EYA4: variants seen among roughly 807,000 people sequenced by gnomAD.
EYA4 encodes protein phosphatase EYA4.
In EYA4, 31 loss-of-function variants were observed where a neutral mutation model predicts 87.9. That is an observed-to-expected ratio of 0.35 (90% confidence interval 0.27 to 0.48). EYA4 has a LOEUF of 0.48. Among genes scored for constraint, EYA4 ranks in the 20% least tolerant of loss-of-function variants. EYA4 has a pLI of 0.99. For synonymous variants in EYA4, 263 were observed against 270.6 expected, an observed-to-expected ratio of 0.97 and a Z score of 0.28; for missense variants, 678 against 761.4, an observed-to-expected ratio of 0.89 and a Z score of 1.29.
chr6:133,494,889 G>A (rs1240119909), intron 13 of EYA4, among the ~76,000 whole-genome samples: 2 of 151,964 alleles, frequency 1.3e-5, no homozygotes, highest in Non-Finnish European at 2.9e-5. Flanking sequence ...TGGATTGTCT[G>A]TAACACAACA....
chr6:133,317,962 T>A (rs942249954), intron 2 of EYA4, among the ~76,000 whole-genome samples: 1 of 151,910 alleles, frequency 6.6e-6, no homozygotes. Flanking sequence ...CTTCCGTTGA[T>A]CCATCTACCC....
intron 13 of EYA4, 45 bp from the exon 14 acceptor site, chr6:133,506,061 C>G: frequency 9.3e-7 from 1 of 1,076,148 alleles, no homozygotes; most frequent in Non-Finnish European, 1.5e-6. Context: ...TAATAATAAG[C>G]GCTTACTGAA....
At chr6:133,495,398 A>T (rs1797559318) in intron 13 of EYA4, among the ~76,000 whole-genome samples, 1 of 148,234 alleles carries the variant, frequency 6.7e-6, no homozygotes, top group Admixed American at 6.7e-5. Flanking sequence ...ATTTATTTAT[A>T]AATAAATATA....
chr6:133,263,718 G>A (rs1219758838), intron 1 of EYA4, among the ~76,000 whole-genome samples: 3 of 152,170 alleles, frequency 2.0e-5, no homozygotes, highest in African/African-American at 7.2e-5. Context: ...AAATTTACTT[G>A]CAGTTTGAAA....
intron 3 of EYA4, among the ~76,000 whole-genome samples, chr6:133,399,357 G>A (rs2128510693): frequency 6.6e-6 from 1 of 152,162 alleles, no homozygotes. Flanking sequence ...AGTAGAGGAT[G>A]ACTATGAGAA....
chr6:133,470,037 G>C (rs1456307077), intron 11 of EYA4, among the ~76,000 whole-genome samples: 1 of 150,398 alleles, frequency 6.6e-6, no homozygotes, highest in East Asian at 2.0e-4. Context: ...CCATGTTGTA[G>C]GTTGCCTGTT....
intron 1 of EYA4, among the ~76,000 whole-genome samples, chr6:133,265,516 A>G (rs897094509): frequency 1.3e-5 from 2 of 152,156 alleles, no homozygotes; most frequent in African/African-American, 4.8e-5. Context: ...ATATTTGTGA[A>G]AACTAAATGT....
rs574027330 is a variant in EYA4 at position 133,281,869 on chromosome 6, T to C, written c.33+7056T>C. 2.0e-5 allele frequency among the ~76,000 whole-genome samples: 3 copies of C among 152,092 alleles called. No homozygotes were observed. The East Asian group carries it at 5.8e-4, about 29-fold the overall frequency. On this transcript the variant is annotated intron_variant, in intron 2 of 19. Coordinates refer to ENST00000355286, the MANE Select transcript of EYA4 (RefSeq NM_004100.5). ...CTCACATCTAAGTGAGAACATGTGG[T>C]ATTTGTTTTTTTTTTCCTGTGTTGA...
intron 13 of EYA4, among the ~76,000 whole-genome samples, chr6:133,494,809 C>T (rs1273857647): frequency 5.3e-5 from 8 of 151,466 alleles, no homozygotes; most frequent in Admixed American, 5.3e-4. Context: ...CATGTTCACA[C>T]CACTGCATTC....
Position 133,529,839 on chromosome 6 carries a change from A to G in EYA4, c.*1034A>G. On this transcript the variant is annotated 3_prime_UTR_variant, in exon 20 of 20. Transcript: ENST00000355286. ...TTTACTGGAGAAAACTAAGAGCCAT[A>G]TTCATGACAACTTGCACAGTTTTGA... 3 of 985,428 alleles carry G rather than the reference A, an allele frequency of 3.0e-6. No homozygotes were observed. Among genetic ancestry groups the G allele is most frequent in the Non-Finnish European group, 3.6e-6 (3 of 829,930 alleles). The allele number at this position is 985,428 out of a possible 1,614,324, so 61.0% of individuals were successfully genotyped here.
intron 2 of EYA4, among the ~76,000 whole-genome samples, chr6:133,333,789 G>A (rs1020911085): frequency 2.6e-5 from 4 of 152,076 alleles, no homozygotes; most frequent in African/African-American, 9.7e-5. Context: ...GGGAAAATAA[G>A]TAACATGATC....
rs376398683 is a variant in EYA4, at chr6:133,347,413, G to T, written c.34-34979G>T. Among the ~76,000 whole-genome samples, 7 of 151,594 alleles carry T rather than the reference G, an allele frequency of 4.6e-5. 1 individual carries two copies. Among genetic ancestry groups the T allele is most frequent in the Admixed American group, 6.6e-5 (1 of 15,242 alleles). The stretch of plus-strand genomic sequence containing the variant: ...TTTAACTCTTCTTTTTCTGACTTCT[G>T]AGATTTAAAATGTGTTAATTATACA... On this transcript the variant is annotated intron_variant, in intron 2 of 19. Transcript: ENST00000355286.
chr6:133,466,449 A>G (rs1403624894), intron 10 of EYA4, among the ~76,000 whole-genome samples: 2 of 152,134 alleles, frequency 1.3e-5, no homozygotes, highest in Non-Finnish European at 2.9e-5. Flanking sequence ...ATTGGTCTGT[A>G]TACTGGGGCA....
chr6:133,508,532 A>G (rs1798851882), intron 14 of EYA4, among the ~76,000 whole-genome samples: 1 of 152,166 alleles, frequency 6.6e-6, no homozygotes, highest in South Asian at 2.1e-4. Context: ...ATGTGGTAGT[A>G]TCCAAGTAAA....
At position 133,429,115 on chromosome 6, in the gene EYA4, C is replaced by T. The variant is rs546701021; in HGVS notation, c.84-17515C>T. Among the ~76,000 whole-genome samples, 53 of 151,234 alleles carry T rather than the reference C, an allele frequency of 3.5e-4. 1 individual carries two copies. Among genetic ancestry groups the T allele is most frequent in the African/African-American group, 1.1e-3 (47 of 41,226 alleles). On this transcript the variant is annotated intron_variant, in intron 3 of 19. Coordinates refer to ENST00000355286, the MANE Select transcript of EYA4 (RefSeq NM_004100.5). ...CTAATTTTTGTATTTTTAGTAGAGA[C>T]GGGGTTTCACCATGTCAGTCAGGCT...
chr6:133,515,284 C>T (rs768599665), intron 16 of EYA4, 37 bp from the exon 17 acceptor site: 2 of 963,552 alleles, frequency 2.1e-6, no homozygotes, highest in East Asian at 4.8e-5. Flanking sequence ...AGACAATATT[C>T]ATCTCTCGAC....
chr6:133,267,421 C>T (rs74329391), intron 1 of EYA4, among the ~76,000 whole-genome samples: 3,026 of 151,916 alleles, frequency 0.02, 101 homozygotes, highest in African/African-American at 0.069. Context: ...CACTCTGTCA[C>T]ACCCAGGCTG....
chr6:133,316,475 A>G (rs1478407344), intron 2 of EYA4, among the ~76,000 whole-genome samples: 1 of 152,164 alleles, frequency 6.6e-6, no homozygotes, highest in Admixed American at 6.5e-5. Flanking sequence ...GTCTTTTTGT[A>G]GCTGTTGAGT....
chr6:133,530,137 TA>T lies in EYA4; in HGVS notation c.*1335del. 8 of 985,202 alleles carry T rather than the reference TA, an allele frequency of 8.1e-6. No homozygotes were observed. The highest frequency in any genetic ancestry group is 8.4e-6 in the Non-Finnish European group (7 of 829,718). 61.0% of individuals were successfully genotyped at this position (985,202 alleles called of 1,614,324 possible). ...TTTTACCTAGAATATCATCATAAAT[TA>T]AATTAGCAAGTGCGCTGGATCTTGG... is the stretch of plus-strand genomic sequence containing the variant. On this transcript the variant is annotated 3_prime_UTR_variant, in exon 20 of 20. Coordinates refer to ENST00000355286, the MANE Select transcript of EYA4 (RefSeq NM_004100.5).
Sources: gnomAD v4.1 joint callset for allele counts (sites outside exome capture counted in the v4.1 genomes callset) on GRCh38, gnomAD v4.1.1 for gene constraint, MANE v1.5 for transcripts, NCBI Gene and HGNC (gene_info 2026-07-23, HGNC 2026-07-21) for gene names.